PIK3C2G: variants seen among roughly 807,000 people sequenced by gnomAD.
PIK3C2G encodes the protein phosphatidylinositol 3-kinase C2 domain-containing subunit gamma.
Under a neutral mutation model 181.1 loss-of-function variants are expected in PIK3C2G, and 168 were observed. That is an observed-to-expected ratio of 0.93 (90% CI 0.82 to 1.05). The LOEUF is 1.05. Among genes scored for constraint, PIK3C2G ranks in the 50% least tolerant of loss-of-function variants. The pLI, the probability that PIK3C2G is intolerant of heterozygous loss-of-function variation, is 0.00. For missense variants in PIK3C2G, 1,869 were observed against 1,732.8 expected, an observed-to-expected ratio of 1.08 and a Z score of -1.40; for synonymous variants, 573 against 592.2, an observed-to-expected ratio of 0.97 and a Z score of 0.47.
chr12:18,670,804 G>A, the PIK3C2G span, among the ~76,000 whole-genome samples: 2 of 152,200 alleles, frequency 1.3e-5, no homozygotes, highest in East Asian at 1.9e-4. Flanking sequence ...TGTTTACATT[G>A]TCATGAAACA....
intron 8 of PIK3C2G, among the ~76,000 whole-genome samples, chr12:18,327,864 T>C (rs1400259573): frequency 6.6e-6 from 1 of 152,000 alleles, no homozygotes; most frequent in African/African-American, 2.4e-5. Context: ...AAGTTGTCGA[T>C]GATCTAGTTG....
chr12:18,629,999 A>G (rs555019793), intron 31 of PIK3C2G, among the ~76,000 whole-genome samples: 1 of 152,162 alleles, frequency 6.6e-6, no homozygotes, highest in Non-Finnish European at 1.5e-5. Flanking sequence ...CACCTCATTG[A>G]CTCAGTCATT....
At chr12:18,346,454 C>G (rs1053117870) in intron 10 of PIK3C2G, among the ~76,000 whole-genome samples, 187 bp from the exon 11 acceptor site, 3 of 152,134 alleles carry the variant, frequency 2.0e-5, no homozygotes, top group African/African-American at 7.2e-5. Flanking sequence ...TTATTGATGT[C>G]TAATCTAGCA....
At chr12:18,458,407 C>A (rs1210132044) in intron 18 of PIK3C2G, among the ~76,000 whole-genome samples, 1 of 152,062 alleles carries the variant, frequency 6.6e-6, no homozygotes, top group African/African-American at 2.4e-5. Context: ...TGCTTAGCAC[C>A]ATGCCTAGTA....
chr12:18,520,801 G>A (rs570940205), intron 24 of PIK3C2G, among the ~76,000 whole-genome samples: 2 of 152,102 alleles, frequency 1.3e-5, no homozygotes, highest in African/African-American at 4.8e-5. Context: ...AGGCACTCTG[G>A]CCTTTTGGAT....
At chr12:18,370,479 A>G (rs1941968757) in intron 12 of PIK3C2G, among the ~76,000 whole-genome samples, 1 of 152,146 alleles carries the variant, frequency 6.6e-6, no homozygotes, top group Admixed American at 6.5e-5. Flanking sequence ...CTAGGACCTC[A>G]TCATGACCCA....
At chr12:18,251,551 CTTACTT>C (rs1948095583) in intron 1 of PIK3C2G, among the ~76,000 whole-genome samples, 1 of 151,992 alleles carries the variant, frequency 6.6e-6, no homozygotes. Flanking sequence ...GTGTCCCACT[CTTACTT>C]TTATGAAATT....
chr12:18,392,506 T>C (rs535729725), intron 15 of PIK3C2G, among the ~76,000 whole-genome samples: 1 of 152,280 alleles, frequency 6.6e-6, no homozygotes, highest in South Asian at 2.1e-4. Context: ...TTATTTGATA[T>C]TCCCTCTGCC....
At chr12:18,357,423 C>G (rs764941846) in intron 11 of PIK3C2G, among the ~76,000 whole-genome samples, 1 of 152,110 alleles carries the variant, frequency 6.6e-6, no homozygotes, top group Non-Finnish European at 1.5e-5. Context: ...AATATTAGCA[C>G]TATTGTTAGT....
intron 1 of PIK3C2G, among the ~76,000 whole-genome samples, chr12:18,281,268 C>CAA (rs59791930): frequency 0.015 from 1,105 of 73,696 alleles, 44 homozygotes; most frequent in African/African-American, 0.051. Context: ...GCATAATAGG[C>CAA]AAAAAAAAAA....
intron 18 of PIK3C2G, among the ~76,000 whole-genome samples, chr12:18,485,499 C>T (rs1939937981): frequency 6.6e-6 from 1 of 152,184 alleles, no homozygotes; most frequent in African/African-American, 2.4e-5. Context: ...GCCTACCAAA[C>T]TTAATACTGT....
At position 18,332,362 on chromosome 12, in the gene PIK3C2G, G is replaced by T. The variant is rs74320754; in HGVS notation, c.1273-6064G>T. On this transcript the variant is annotated intron_variant, in intron 8 of 32. Coordinates refer to ENST00000538779, the MANE Select transcript of PIK3C2G (RefSeq NM_001288772.2). ...AATGCTAGACCTATTTTGGCAGTGG[G>T]GACAAGGAGAGTTCTGTGTTGTAAT... Among the ~76,000 whole-genome samples, 1,401 of 152,160 alleles carry T rather than the reference G, an allele frequency of 9.2e-3. 24 individuals are homozygous for T. Among genetic ancestry groups the T allele is most frequent in the African/African-American group, 0.032 (1,348 of 41,516 alleles).
rs1047715402 is a variant in PIK3C2G at position 18,491,530 on chromosome 12, C to T, written c.2765C>T (p.Ala922Val). 1 of 1,600,266 alleles carries T rather than the reference C, an allele frequency of 6.2e-7. No individual in the cohort carries two copies. The highest frequency in any genetic ancestry group is 8.6e-7 in the Non-Finnish European group (1 of 1,168,018). ...VNTCHLPLNPALCIKGIDHDA... is the reference protein window; with the variant it reads ...VNTCHLPLNPVLCIKGIDHDA... Reference sequence around the variant, plus strand: ...ACTTGTCATCTTCCTCTGAACCCTGCCCTATGTATAAAAGGGATTGATCAC... The same window carrying T: ...ACTTGTCATCTTCCTCTGAACCCTGTCCTATGTATAAAAGGGATTGATCAC... Residue 922 changes from alanine to valine, a missense_variant, in exon 20 of 33, where the codon GCC becomes GTC. Physicochemically the swap from Ala to Val is moderately conservative, Grantham distance 64. Transcript: ENST00000538779.
the PIK3C2G span, chr12:18,712,828 AG>A: frequency 2.5e-6 from 4 of 1,612,734 alleles, no homozygotes; most frequent in Non-Finnish European, 3.4e-6. Context: ...AGTTGAACAA[AG>A]ATATGTACAT....
chr12:18,696,322 C>CTATATATATATTATATATA, the PIK3C2G span: 1 of 253,072 alleles, frequency 4.0e-6, no homozygotes, highest in African/African-American at 6.1e-5. Context: ...TAAAAAGCCA[C>CTATATATATATTATATATA]TATATATATA....
At chr12:18,721,265 C>G in the PIK3C2G span, among the ~76,000 whole-genome samples, 5 of 151,928 alleles carry the variant, frequency 3.3e-5, no homozygotes, top group Non-Finnish European at 5.9e-5. Flanking sequence ...TTTTAAAAAC[C>G]TCATTTGGTG....
At chr12:18,700,535 A>AAAAAAAAAAAAAAAAAAAAAAC in the PIK3C2G span, among the ~76,000 whole-genome samples, 1 of 150,388 alleles carries the variant, frequency 6.6e-6, no homozygotes, top group Non-Finnish European at 1.5e-5. Context: ...AAAAAAAAAA[A>AAAAAAAAAAAAAAAAAAAAAAC]ATAGTTGCTC....
intron 28 of PIK3C2G, among the ~76,000 whole-genome samples, chr12:18,565,397 G>A (rs984647560): frequency 3.3e-5 from 5 of 152,100 alleles, no homozygotes; most frequent in East Asian, 3.9e-4. Flanking sequence ...AATATGCTTG[G>A]CGAGAGTTGA....
chr12:18,593,536 C>T (rs1164110422), intron 29 of PIK3C2G, among the ~76,000 whole-genome samples: 3 of 151,922 alleles, frequency 2.0e-5, no homozygotes, highest in African/African-American at 7.2e-5. Context: ...GCAGCTTTGA[C>T]AGCTACTATG....
Sources: gnomAD v4.1 joint callset for allele counts (sites outside exome capture counted in the v4.1 genomes callset) on GRCh38, gnomAD v4.1.1 for gene constraint, MANE v1.5 for transcripts, NCBI Gene and HGNC (gene_info 2026-07-23, HGNC 2026-07-21) for gene names.